The following HS3ST4 variants were observed in gnomAD, a reference collection of about 807,000 sequenced individuals.
HS3ST4 encodes heparan sulfate-glucosamine 3-sulfotransferase 4.
HS3ST4 carries 17 observed loss-of-function variants against 29.2 expected under a neutral mutation model. The ratio of observed to expected loss-of-function variants is 0.58; its 90% CI spans 0.40 to 0.87. HS3ST4 has a LOEUF of 0.87. HS3ST4 is among the 40% of genes least tolerant of loss of function. HS3ST4 has a pLI of 0.00. For synonymous variants in HS3ST4, 314 were observed against 285.7 expected (o/e 1.10, Z -1.00); for missense variants, 627 against 634.5 (o/e 0.99, Z 0.13).
At chr16:25,773,838 A>G (rs1198940383) in intron 1 of HS3ST4, among the ~76,000 whole-genome samples, 1 of 151,738 alleles carries the variant, frequency 6.6e-6, no homozygotes, top group East Asian at 1.9e-4. Flanking sequence ...CGATTATACT[A>G]CTCTGTATGC....
At chr16:26,094,828 T>C (rs1248003327) in intron 1 of HS3ST4, among the ~76,000 whole-genome samples, 2 of 152,088 alleles carry the variant, frequency 1.3e-5, no homozygotes, top group African/African-American at 4.8e-5. Context: ...GCAAATTGGA[T>C]AAAGAGTCAA....
chr16:26,054,217 C>G (rs1208848839), intron 1 of HS3ST4, among the ~76,000 whole-genome samples: 1 of 148,738 alleles, frequency 6.7e-6, no homozygotes, highest in Non-Finnish European at 1.5e-5. Context: ...GTTGGATTTA[C>G]ATCATAATGT....
In HS3ST4 at chr16:26,057,675, C is replaced by T. The variant is rs150746218; in HGVS notation, c.735-77937C>T. ...AGGAGAATTGCTTGAACCTGGGAGG[C>T]GGAGGTTGCAGTGAGCCAAGATCGC... On this transcript the variant is annotated intron_variant, in intron 1 of 1. Coordinates refer to ENST00000331351, the MANE Select transcript of HS3ST4 (RefSeq NM_006040.3). Among the ~76,000 whole-genome samples, 198 of 152,264 alleles carry T rather than the reference C, an allele frequency of 1.3e-3. 1 individual carries two copies. The highest frequency in any genetic ancestry group is 4.7e-3 in the African/African-American group (195 of 41,564).
chr16:25,761,456 C>G (rs1966788183), intron 1 of HS3ST4, among the ~76,000 whole-genome samples: 1 of 152,186 alleles, frequency 6.6e-6, no homozygotes, highest in African/African-American at 2.4e-5. Flanking sequence ...CAGCTACCAT[C>G]TTGGAGAGCA....
chr16:26,048,790 A>G (rs1898300374), intron 1 of HS3ST4, among the ~76,000 whole-genome samples: 1 of 152,178 alleles, frequency 6.6e-6, no homozygotes, highest in Admixed American at 6.5e-5. Flanking sequence ...CTATGTTCAC[A>G]CCACTACACT....
At chr16:26,100,151 A>T (rs1163984019) in intron 1 of HS3ST4, among the ~76,000 whole-genome samples, 1 of 152,098 alleles carries the variant, frequency 6.6e-6, no homozygotes, top group Non-Finnish European at 1.5e-5. Context: ...GGAGGGAAGG[A>T]GCAGGACCAA....
intron 1 of HS3ST4, among the ~76,000 whole-genome samples, chr16:25,927,404 C>A (rs977162283): frequency 1.3e-5 from 2 of 152,174 alleles, no homozygotes; most frequent in Admixed American, 6.5e-5. Flanking sequence ...AGAAATGAGG[C>A]CCCAGCTCTC....
chr16:25,974,468 C>T (rs1393638312), intron 1 of HS3ST4, among the ~76,000 whole-genome samples: 1 of 152,084 alleles, frequency 6.6e-6, no homozygotes, highest in East Asian at 1.9e-4. Context: ...TGCAAATTCC[C>T]CCAAAGAGGT....
At chr16:25,724,387 G>A (rs1966517821) in intron 1 of HS3ST4, among the ~76,000 whole-genome samples, 1 of 144,252 alleles carries the variant, frequency 6.9e-6, no homozygotes, top group Non-Finnish European at 1.5e-5. Flanking sequence ...TTTTTGAGAT[G>A]GAGTCTTGCT....
At chr16:25,757,524 T>C (rs1383663992) in intron 1 of HS3ST4, among the ~76,000 whole-genome samples, 2 of 150,944 alleles carry the variant, frequency 1.3e-5, no homozygotes, top group Non-Finnish European at 2.9e-5. Context: ...TGTGTCACAT[T>C]TTAGTAATTC....
chr16:25,741,365 T>TAAAA (rs66788248), intron 1 of HS3ST4, among the ~76,000 whole-genome samples: 1,410 of 65,974 alleles, frequency 0.021, 76 homozygotes, highest in African/African-American at 0.04. Context: ...GAATTCAAGG[T>TAAAA]AAAAAAAAAA....
chr16:25,808,791 A>G (rs538660833), intron 1 of HS3ST4, among the ~76,000 whole-genome samples: 103 of 151,978 alleles, frequency 6.8e-4, no homozygotes, highest in Middle Eastern at 6.8e-3. Context: ...GATTACTTTT[A>G]TTGGCATTTT....
chr16:25,856,555 T>C (rs1247851144), intron 1 of HS3ST4, among the ~76,000 whole-genome samples: 1 of 152,144 alleles, frequency 6.6e-6, no homozygotes, highest in African/African-American at 2.4e-5. Context: ...ACCAGCGGTG[T>C]CCAATCTTTT....
intron 1 of HS3ST4, among the ~76,000 whole-genome samples, chr16:26,132,787 G>A (rs990368165): frequency 1.3e-5 from 2 of 152,172 alleles, no homozygotes; most frequent in Non-Finnish European, 2.9e-5. Context: ...GTTTAGTTTT[G>A]TGTGTCAAAA....
chr16:25,917,495 G>T (rs530538007), intron 1 of HS3ST4, among the ~76,000 whole-genome samples: 1 of 152,230 alleles, frequency 6.6e-6, no homozygotes. Context: ...ATAGGCCTGA[G>T]CCACTGTGCC....
intron 1 of HS3ST4, among the ~76,000 whole-genome samples, chr16:25,886,379 G>A (rs1220549548): frequency 2.0e-5 from 3 of 152,080 alleles, no homozygotes; most frequent in Admixed American, 6.5e-5. Context: ...TGTGTCCCAC[G>A]TAAAGTCAAC....
chr16:25,805,452 T>C (rs1966980626), intron 1 of HS3ST4, among the ~76,000 whole-genome samples: 1 of 152,176 alleles, frequency 6.6e-6, no homozygotes, highest in South Asian at 2.1e-4. Context: ...AGACAGTCTT[T>C]ATCTCAGACA....
intron 1 of HS3ST4, among the ~76,000 whole-genome samples, chr16:25,709,566 A>G (rs1441376583): frequency 6.6e-6 from 1 of 152,148 alleles, no homozygotes; most frequent in African/African-American, 2.4e-5. Context: ...GCTTGCATGG[A>G]GATAGAGGAC....
intron 1 of HS3ST4, among the ~76,000 whole-genome samples, chr16:25,697,861 C>T (rs972736595): frequency 7.2e-5 from 11 of 152,046 alleles, no homozygotes; most frequent in African/African-American, 9.7e-5. Flanking sequence ...TTAGTAGAGA[C>T]GGGGTTTCAC....
Sources: gnomAD v4.1 joint callset for allele counts (sites outside exome capture counted in the v4.1 genomes callset) on GRCh38, gnomAD v4.1.1 for gene constraint, MANE v1.5 for transcripts, NCBI Gene and HGNC (gene_info 2026-07-23, HGNC 2026-07-21) for gene names.